Variants in ROS1 observed in about 807,000 individuals in gnomAD.
ROS1 encodes the protein proto-oncogene tyrosine-protein kinase ROS.
ROS1 carries 263 observed loss-of-function variants against 273.5 expected under a neutral mutation model. The ratio of observed to expected loss-of-function variants is 0.96; its 90% CI spans 0.87 to 1.06. ROS1 has a LOEUF of 1.06. ROS1 is among the 50% of genes least tolerant of loss of function. The pLI, the probability that ROS1 is intolerant of heterozygous loss-of-function variation, is 0.00. For missense variants in ROS1, 2,833 were observed against 2,751.1 expected, an observed-to-expected ratio of 1.03 and a Z score of -0.67; for synonymous variants, 1,008 against 954.1, an observed-to-expected ratio of 1.06 and a Z score of -1.04.
intron 39 of ROS1, among the ~76,000 whole-genome samples, chr6:117,313,896 AACG>A (rs1342765496): frequency 1.3e-5 from 2 of 152,082 alleles, no homozygotes; most frequent in Non-Finnish European, 2.9e-5. Flanking sequence ...TTCAGCACCT[AACG>A]ATGTCTCTAT....
In ROS1 at chr6:117,402,148, C is replaced by A. The variant is rs191782214; in HGVS notation, c.604+991G>T. ...CTCCTTCCAGAATAAAAGCCACATT[C>A]CTTACCAAGATCCCTGAGGTAGACT... On this transcript the variant is annotated intron_variant, in intron 7 of 43. Transcript: ENST00000368507. Among the ~76,000 whole-genome samples the A allele has an allele frequency of 7.0e-4, 106 of 152,300 alleles. 1 individual carries two copies. The highest frequency in any genetic ancestry group is 2.5e-3 in the African/African-American group (102 of 41,574).
chr6:117,402,118 T>C (rs11962155), intron 7 of ROS1, among the ~76,000 whole-genome samples: 2 of 152,138 alleles, frequency 1.3e-5, no homozygotes, highest in Admixed American at 1.3e-4. Context: ...AACCTTACAG[T>C]GACTCTCCTT....
At chr6:117,341,070 T>A (rs1582671115) in intron 31 of ROS1, 65 bp downstream of exon 31, 2 of 991,926 alleles carry the variant, frequency 2.0e-6, no homozygotes, top group Non-Finnish European at 3.0e-6. Flanking sequence ...ATGTTCTAGA[T>A]GCATGAAAAA....
intron 13 of ROS1, among the ~76,000 whole-genome samples, chr6:117,388,275 G>A (rs1320159579): frequency 6.6e-6 from 1 of 151,970 alleles, no homozygotes; most frequent in Non-Finnish European, 1.5e-5. Context: ...TTGTCAGAGG[G>A]GTTCTCTACA....
chr6:117,370,912 A>G (rs1410163788), intron 18 of ROS1, among the ~76,000 whole-genome samples: 1 of 152,242 alleles, frequency 6.6e-6, no homozygotes, highest in African/African-American at 2.4e-5. Context: ...GTAGACTTAA[A>G]TCCAAACATA....
intron 1 of ROS1, among the ~76,000 whole-genome samples, chr6:117,423,773 A>C (rs1046095665): frequency 6.6e-6 from 1 of 152,144 alleles, no homozygotes; most frequent in African/African-American, 2.4e-5. Context: ...CCTTCAGAGT[A>C]AATGTCCATG....
At chr6:117,369,140 T>C (rs1236974924) in intron 18 of ROS1, among the ~76,000 whole-genome samples, 1 of 152,200 alleles carries the variant, frequency 6.6e-6, no homozygotes, top group Non-Finnish European at 1.5e-5. Flanking sequence ...CCAATCTCTA[T>C]ATATAAAACT....
intron 43 of ROS1, among the ~76,000 whole-genome samples, chr6:117,298,187 G>A (rs1157784120): frequency 6.6e-6 from 1 of 152,102 alleles, no homozygotes; most frequent in Middle Eastern, 3.2e-3. Flanking sequence ...ACTAGAGTAT[G>A]AAATGATAGA....
chr6:117,360,512 C>T, intron 22 of ROS1, 107 bp from the exon 23 acceptor site: 1 of 726,536 alleles, frequency 1.4e-6, no homozygotes, highest in Non-Finnish European at 2.4e-6. Flanking sequence ...TCCTGATACA[C>T]AATATTAATA....
chr6:117,355,351 G>C (rs1262939314), intron 26 of ROS1, among the ~76,000 whole-genome samples: 1 of 152,052 alleles, frequency 6.6e-6, no homozygotes, highest in Non-Finnish European at 1.5e-5. Context: ...TTTCTAAAAG[G>C]CCTCTAAACA....
Position 117,333,442 on chromosome 6 carries a change from T to G in ROS1, c.5230+3730A>C, listed in dbSNP as rs1777242403. On this transcript the variant is annotated intron_variant, in intron 32 of 43. Transcript: ENST00000368507. ...AAAGAGGAGCTGGTACCATTCCTTC[T>G]GAAACTGTTCCAAACAATGGAAAAG... Among the ~76,000 whole-genome samples, 3 of 152,196 alleles carry G rather than the reference T, an allele frequency of 2.0e-5. No individual in the cohort carries two copies. In the South Asian group the frequency reaches 6.2e-4, roughly 32 times the overall value.
intron 35 of ROS1, among the ~76,000 whole-genome samples, chr6:117,322,097 A>C (rs1477406629): frequency 4.6e-5 from 7 of 152,106 alleles, no homozygotes; most frequent in Admixed American, 2.6e-4. Context: ...TCAGAAGTTG[A>C]AAGCAGCAAG....
In ROS1 at chr6:117,320,031, C is replaced by T. The variant is rs1776181463; in HGVS notation, c.5760-1G>A. ...AATCTCCTCTTGGGTTGGAAGAGTA[C>T]TGTAAAATAGCAACATTTTTGTCTC... On this transcript the variant is annotated splice_acceptor_variant, in intron 36 of 43. Transcript: ENST00000368507. LOFTEE classifies it high-confidence loss of function. The T allele has an allele frequency of 6.2e-7, 1 of 1,612,704 alleles. No homozygotes were observed.
intron 17 of ROS1, among the ~76,000 whole-genome samples, chr6:117,382,898 A>G (rs892764894): frequency 1.3e-5 from 2 of 152,146 alleles, no homozygotes; most frequent in African/African-American, 4.8e-5. Flanking sequence ...CCTAGTTTTT[A>G]GAAACAGTTT....
At chr6:117,348,332 A>G (rs9489136) in intron 27 of ROS1, among the ~76,000 whole-genome samples, 3,602 of 152,040 alleles carry the variant, frequency 0.024, 52 homozygotes, top group South Asian at 0.057. Flanking sequence ...CTTTAAAAGA[A>G]TTGGTCCATT....
At position 117,324,361 on chromosome 6, in the gene ROS1, A is replaced by G; in HGVS notation, c.5594T>C (p.Phe1865Ser). The G allele has an allele frequency of 6.5e-7, 1 of 1,530,820 alleles. No homozygotes were observed. Among genetic ancestry groups the G allele is most frequent in the Non-Finnish European group, 9.0e-7 (1 of 1,111,202 alleles). The allele number at this position is 1,530,820 out of a possible 1,614,324, so 94.8% of individuals were successfully genotyped here. ...GGTCAGTGGGATTGTAACAACCAGA[A>G]ATATTCCAACTATAATAGTAAGTAT... ...SFILTIIVGI[F>S]LVVTIPLTFV... is the part of the protein sequence containing the mutation. The change falls in exon 35 of 44, where the codon TTT becomes TCT. Residue 1865 changes from phenylalanine (F) to serine (S), a missense_variant. Transcript: ENST00000368507.
At chr6:117,405,811 G>T (rs1161256376) in intron 5 of ROS1, among the ~76,000 whole-genome samples, 1 of 152,250 alleles carries the variant, frequency 6.6e-6, no homozygotes, top group Middle Eastern at 3.4e-3. Context: ...AGGCAGCTGG[G>T]TTATACTTTC....
intron 30 of ROS1, 43 bp downstream of exon 30, chr6:117,341,357 A>C: frequency 1.9e-6 from 3 of 1,612,000 alleles, no homozygotes; most frequent in Non-Finnish European, 2.5e-6. Flanking sequence ...AGAGCCTTGC[A>C]CTTGAGAATG....
chr6:117,416,228 T>C (rs1255304112), intron 3 of ROS1, 30 bp downstream of exon 3: 1 of 1,305,020 alleles, frequency 7.7e-7, no homozygotes, highest in Non-Finnish European at 1.1e-6. Flanking sequence ...GAAACATCAG[T>C]ATCAAAATAG....
Sources: allele counts gnomAD v4.1 joint callset (sites outside exome capture counted in the v4.1 genomes callset), GRCh38; gene constraint gnomAD v4.1.1; transcripts MANE v1.5; gene names NCBI Gene and HGNC (gene_info 2026-07-23, HGNC 2026-07-21).